Variants in ARHGAP12 observed in about 807,000 individuals in gnomAD.
ARHGAP12 encodes rho GTPase-activating protein 12.
In ARHGAP12, 64 loss-of-function variants were observed where a neutral mutation model predicts 108.6. That is an observed-to-expected ratio of 0.59 (90% CI 0.48 to 0.73). The LOEUF (loss-of-function observed/expected upper bound fraction) is 0.73. Ranked by LOEUF, ARHGAP12 falls within the 30% of genes least tolerant of loss-of-function variation. The pLI is 0.00. For synonymous variants in ARHGAP12, 312 were observed against 337.2 expected (o/e 0.93, Z 0.82); for missense variants, 940 against 1,005.9 (o/e 0.93, Z 0.89).
intron 6 of ARHGAP12, among the ~76,000 whole-genome samples, chr10:31,846,899 A>ATTTTTTTTT (rs377177944): frequency 1.2e-5 from 1 of 84,612 alleles, no homozygotes. Flanking sequence ...GGCACTGTTC[A>ATTTTTTTTT]TTTTTTTTTT....
chr10:31,827,032 T>G (rs1038493542), intron 10 of ARHGAP12: 3 of 152,234 alleles, frequency 2.0e-5, no homozygotes, highest in Admixed American at 1.3e-4. Context: ...CAATCCATAC[T>G]CTAGAGGTAA....
chr10:31,843,689 G>A (rs377443369), intron 6 of ARHGAP12, 103 bp from the exon 7 acceptor site: 36 of 1,319,636 alleles, frequency 2.7e-5, no homozygotes, highest in African/African-American at 6.0e-5. Flanking sequence ...ACTGTTAGGC[G>A]AAGTTCATTA....
At position 31,908,579 on chromosome 10, in the gene ARHGAP12, T is replaced by C. The variant is rs771692078; in HGVS notation, c.277A>G (p.Lys93Glu). 7 of 1,614,118 alleles carry C rather than the reference T, an allele frequency of 4.3e-6. No homozygotes were observed. Among genetic ancestry groups the C allele is most frequent in the Non-Finnish European group, 1.7e-6 (2 of 1,180,054 alleles). The change falls in exon 3 of 20, where the codon AAA becomes GAA. Residue 93 changes from lysine to glutamate, a missense_variant. Coordinates refer to ENST00000344936, the MANE Select transcript of ARHGAP12 (RefSeq NM_018287.7). Reference protein sequence around the residue: ...QVAGLPNNSTKIMQSLHLQRS... With the variant: ...QVAGLPNNSTEIMQSLHLQRS... ...TGAAGATGCAAACTCTGCATTATTT[T>C]CGTGGAGTTATTTGGCAGACCAGCT...
At chr10:31,854,375 A>G (rs779905288) in intron 4 of ARHGAP12, among the ~76,000 whole-genome samples, 169 bp from the exon 5 acceptor site, 7 of 152,210 alleles carry the variant, frequency 4.6e-5, no homozygotes, top group Non-Finnish European at 8.8e-5. Flanking sequence ...GTACATTGTA[A>G]GAGGTGAGGT....
intron 3 of ARHGAP12, among the ~76,000 whole-genome samples, chr10:31,879,366 A>G (rs966555596): frequency 1.3e-5 from 2 of 152,266 alleles, no homozygotes; most frequent in Admixed American, 6.5e-5. Context: ...CCTGGGCAAC[A>G]GAGTGAGACC....
intron 3 of ARHGAP12, among the ~76,000 whole-genome samples, chr10:31,904,574 G>C (rs1414354935): frequency 6.6e-6 from 1 of 152,124 alleles, no homozygotes; most frequent in African/African-American, 2.4e-5. Context: ...GTATAGTGTT[G>C]CAAGATGCTA....
chr10:31,850,783 C>T (rs911010718), intron 6 of ARHGAP12, among the ~76,000 whole-genome samples: 1 of 152,060 alleles, frequency 6.6e-6, no homozygotes. Context: ...AACTGCTAAG[C>T]TATGGTTCTT....
chr10:31,810,766 TAA>T lies in ARHGAP12; in HGVS notation c.1952-21_1952-20del. On this transcript the variant is annotated intron_variant, in intron 15 of 19. Coordinates refer to ENST00000344936, the MANE Select transcript of ARHGAP12 (RefSeq NM_018287.7). ...ACCTGATCTGAAAAAGATTTATTTT[TAA>T]AAAGTCAATCACCTTGCTGAAATTC... is the stretch of plus-strand genomic sequence containing the variant. 6.3e-7 allele frequency: 1 copy of T among 1,575,190 alleles called. No homozygotes were observed.
chr10:31,862,326 A>G (rs1175244958), intron 3 of ARHGAP12, among the ~76,000 whole-genome samples: 1 of 152,212 alleles, frequency 6.6e-6, no homozygotes, highest in Non-Finnish European at 1.5e-5. Flanking sequence ...ACAGTAGAAA[A>G]GTAAGAATTA....
In ARHGAP12 at chr10:31,908,228, G is replaced by A. The variant is rs369214484; in HGVS notation, c.628C>T (p.His210Tyr). 1 of 1,613,218 alleles carries A rather than the reference G, an allele frequency of 6.2e-7. No homozygotes were observed. Among genetic ancestry groups the A allele is most frequent in the Non-Finnish European group, 8.5e-7 (1 of 1,179,764 alleles). ...TCATCACCAGATTCAGAATCTTGAT[G>A]TATTCTTTCAGAGCCTTCTCCTGCG... ...DSAGEGSERI[H>Y]QDSESGDELS... The change falls in exon 3 of 20, where the codon CAT becomes TAT. Residue 210 changes from histidine to tyrosine, a missense_variant. Transcript: ENST00000344936.
intron 3 of ARHGAP12, among the ~76,000 whole-genome samples, chr10:31,880,897 CAA>C (rs139344366): frequency 5.4e-4 from 72 of 133,892 alleles, no homozygotes; most frequent in African/African-American, 5.0e-4. Context: ...TTGACTCTAC[CAA>C]AAAAAAAAAA....
rs1834851081 is a variant in ARHGAP12, at chr10:31,807,321, T to C, written c.*337A>G. ...TGAGAAGAAAGTACATTATCCAATT[T>C]CAGGGAAAAAAAATACAGTTTTCTT... On this transcript the variant is annotated 3_prime_UTR_variant, in exon 20 of 20. Coordinates refer to ENST00000344936, the MANE Select transcript of ARHGAP12 (RefSeq NM_018287.7). 5.6e-6 allele frequency: 1 copy of C among 177,132 alleles called. No individual in the cohort carries two copies. The highest frequency in any genetic ancestry group is 1.9e-4 in the South Asian group (1 of 5,398). The allele number at this position is 177,132 out of a possible 1,614,324, so 11.0% of individuals were successfully genotyped here.
chr10:31,889,901 A>AAT (rs1190561769), intron 3 of ARHGAP12, among the ~76,000 whole-genome samples: 2 of 151,672 alleles, frequency 1.3e-5, no homozygotes, highest in Middle Eastern at 3.4e-3. Context: ...TGTATATTTT[A>AAT]ATATATATAA....
intron 3 of ARHGAP12, 144 bp downstream of exon 3, chr10:31,908,028 G>T (rs1238013815): frequency 5.5e-6 from 4 of 727,026 alleles, no homozygotes; most frequent in Non-Finnish European, 2.1e-6. Flanking sequence ...ATATTTTCTA[G>T]ATCTCTAAAT....
intron 11 of ARHGAP12, among the ~76,000 whole-genome samples, chr10:31,822,457 A>G (rs949005297): frequency 6.6e-6 from 1 of 152,230 alleles, no homozygotes; most frequent in Admixed American, 6.5e-5. Context: ...ACCAGACAAG[A>G]CAAAGATACA....
chr10:31,912,597 G>A (rs1322549276), intron 1 of ARHGAP12, among the ~76,000 whole-genome samples: 1 of 152,222 alleles, frequency 6.6e-6, no homozygotes, highest in Admixed American at 6.5e-5. Context: ...TAAAGGCAAT[G>A]AGAAGTAGGA....
intron 3 of ARHGAP12, among the ~76,000 whole-genome samples, chr10:31,875,667 A>G (rs1352397901): frequency 1.3e-5 from 2 of 152,222 alleles, no homozygotes; most frequent in Non-Finnish European, 2.9e-5. Flanking sequence ...TTTTCATTAA[A>G]TAACTGTGAT....
intron 1 of ARHGAP12, among the ~76,000 whole-genome samples, chr10:31,911,616 C>T (rs542260019): frequency 6.6e-6 from 1 of 152,230 alleles, no homozygotes; most frequent in African/African-American, 2.4e-5. Flanking sequence ...AGCCTACTTA[C>T]TAATCTTAAA....
chr10:31,908,629 G>A lies in ARHGAP12; in HGVS notation c.227C>T (p.Ala76Val). The change falls in exon 3 of 20, where the codon GCT becomes GTT. Residue 76 changes from alanine to valine, a missense_variant. By Grantham distance (64) the Ala-to-Val change is moderately conservative. Coordinates refer to ENST00000344936, the MANE Select transcript of ARHGAP12 (RefSeq NM_018287.7). ...TACCTGCTTAACAGGTGGCATGAGA[G>A]CTTTGCGCGTGACCTCCTTCACATA... is the stretch of plus-strand genomic sequence containing the variant. ...AQYVKEVTRK[A>V]LMPPVKQVAG... The A allele has an allele frequency of 6.2e-7, 1 of 1,614,192 alleles. No individual in the cohort carries two copies. Among genetic ancestry groups the A allele is most frequent in the Non-Finnish European group, 8.5e-7 (1 of 1,180,034 alleles).
Sources: allele counts gnomAD v4.1 joint callset (sites outside exome capture counted in the v4.1 genomes callset), GRCh38; gene constraint gnomAD v4.1.1; transcripts MANE v1.5; gene names NCBI Gene and HGNC (gene_info 2026-07-23, HGNC 2026-07-21).